The following CDYL2 variants were observed in gnomAD, a reference collection of about 807,000 sequenced individuals.
CDYL2 encodes chromodomain Y like 2.
CDYL2 carries 23 observed loss-of-function variants against 49.4 expected under a neutral mutation model. That is an observed-to-expected ratio of 0.47 (90% CI 0.34 to 0.66). CDYL2 has a LOEUF of 0.66. CDYL2 is among the 30% of genes least tolerant of loss of function. The pLI is 0.01. For missense variants in CDYL2, 678 were observed against 656.4 expected, an observed-to-expected ratio of 1.03 and a Z score of -0.36; for synonymous variants, 360 against 268.8, an observed-to-expected ratio of 1.34 and a Z score of -3.32.
Position 80,641,545 on chromosome 16 carries a change from C to T in CDYL2, c.617-8309G>A, listed in dbSNP as rs374884332. Among the ~76,000 whole-genome samples the T allele has an allele frequency of 3.3e-4, 50 of 152,192 alleles. 1 individual carries two copies. The highest frequency in any genetic ancestry group is 3.4e-3 in the Middle Eastern group (1 of 294). ...ATGTTAAGAAAATGTGGCACATATA[C>T]ACCGTGGAATACTAAGCAGCCATAA... is the stretch of plus-strand genomic sequence containing the variant. On this transcript the variant is annotated intron_variant, in intron 2 of 6. Transcript: ENST00000570137.
At chr16:80,661,314 GAGT>G (rs1909034525) in intron 2 of CDYL2, among the ~76,000 whole-genome samples, 1 of 146,480 alleles carries the variant, frequency 6.8e-6, no homozygotes, top group South Asian at 2.2e-4. Context: ...TGGGCAGCTG[GAGT>G]AGAAGTGATC....
At position 80,715,058 on chromosome 16, in the gene CDYL2, G is replaced by A. The variant is rs570723155; in HGVS notation, c.25-29929C>T. Among the ~76,000 whole-genome samples, 4 of 152,246 alleles carry A rather than the reference G, an allele frequency of 2.6e-5. No homozygotes were observed. In the South Asian group the frequency reaches 6.2e-4, roughly 24 times the overall value. The stretch of plus-strand genomic sequence containing the variant: ...AGGGTAACTAAGCTCATGCAAGTGA[G>A]CGGACATGCCTTACTCATCTGGAGG... On this transcript the variant is annotated intron_variant, in intron 1 of 6. Coordinates refer to ENST00000570137, the MANE Select transcript of CDYL2 (RefSeq NM_152342.4).
intron 1 of CDYL2, among the ~76,000 whole-genome samples, chr16:80,738,233 A>C (rs879173366): frequency 6.6e-6 from 1 of 152,142 alleles, no homozygotes; most frequent in African/African-American, 2.4e-5. Flanking sequence ...TCCATGGTGT[A>C]TATGTGCCAC....
intron 1 of CDYL2, among the ~76,000 whole-genome samples, chr16:80,727,945 C>G (rs1034450281): frequency 6.6e-6 from 1 of 152,224 alleles, no homozygotes; most frequent in Non-Finnish European, 1.5e-5. Context: ...AAAAACCCAT[C>G]TGTACATCAC....
At chr16:80,610,150 C>T (rs998007172) in intron 5 of CDYL2, among the ~76,000 whole-genome samples, 2 of 152,140 alleles carry the variant, frequency 1.3e-5, no homozygotes, top group African/African-American at 4.8e-5. Flanking sequence ...AGGGACAATG[C>T]TTATCAGCCT....
At chr16:80,753,245 G>A (rs1906196529) in intron 1 of CDYL2, among the ~76,000 whole-genome samples, 1 of 150,626 alleles carries the variant, frequency 6.6e-6, no homozygotes, top group African/African-American at 2.5e-5. Flanking sequence ...TCCGAGAAAT[G>A]GTAAATTCCC....
At chr16:80,719,247 A>G (rs1904916723) in intron 1 of CDYL2, among the ~76,000 whole-genome samples, 1 of 152,112 alleles carries the variant, frequency 6.6e-6, no homozygotes, top group Admixed American at 6.5e-5. Context: ...AGGTACCTGT[A>G]AAACTGAAGA....
intron 1 of CDYL2, 102 bp downstream of exon 1, chr16:80,804,048 G>A (rs1034367949): frequency 8.1e-6 from 7 of 858,900 alleles, no homozygotes; most frequent in Admixed American, 1.3e-4. Flanking sequence ...GGCAACTCCG[G>A]ATTGCGCCCG....
At chr16:80,623,517 C>T (rs1363478071) in intron 3 of CDYL2, among the ~76,000 whole-genome samples, 1 of 152,188 alleles carries the variant, frequency 6.6e-6, no homozygotes, top group Non-Finnish European at 1.5e-5. Context: ...AGCAGCTTCA[C>T]ATTCCTAGGA....
intron 2 of CDYL2, among the ~76,000 whole-genome samples, chr16:80,682,890 C>T (rs1307536288): frequency 6.6e-6 from 1 of 152,194 alleles, no homozygotes; most frequent in Non-Finnish European, 1.5e-5. Flanking sequence ...GTCACGTCAG[C>T]GTCAGGGATC....
At chr16:80,736,799 T>G (rs549241566) in intron 1 of CDYL2, among the ~76,000 whole-genome samples, 1 of 152,296 alleles carries the variant, frequency 6.6e-6, no homozygotes, top group East Asian at 1.9e-4. Flanking sequence ...TACAGCCCAA[T>G]TAGGGCTTCC....
At chr16:80,624,497 G>T (rs1241926264) in intron 3 of CDYL2, among the ~76,000 whole-genome samples, 1 of 152,100 alleles carries the variant, frequency 6.6e-6, no homozygotes, top group East Asian at 1.9e-4. Flanking sequence ...GAATGTAAAA[G>T]TACTCTGGGG....
Position 80,684,999 on chromosome 16 carries a change from A to C in CDYL2, c.155T>G (p.Ile52Ser). Residue 52 changes from isoleucine to serine, a missense_variant, in exon 2 of 7, where the codon ATT (isoleucine) becomes AGT (serine). Physicochemically the swap from Ile to Ser is moderately radical, Grantham distance 142. Transcript: ENST00000570137. ...EHHLLHCEEF[I>S]DEFNGLHMSK... ...CATGTGCAACCCATTGAATTCATCAATAAACTCCTCACAGTGCAAGAGGTG... is the reference window on the plus strand; with the variant it reads ...CATGTGCAACCCATTGAATTCATCACTAAACTCCTCACAGTGCAAGAGGTG... 1 of 1,614,130 alleles carries C rather than the reference A, an allele frequency of 6.2e-7. No individual in the cohort carries two copies. The highest frequency in any genetic ancestry group is 8.5e-7 in the Non-Finnish European group (1 of 1,180,038).
At chr16:80,727,291 C>G (rs1433640618) in intron 1 of CDYL2, among the ~76,000 whole-genome samples, 1 of 152,212 alleles carries the variant, frequency 6.6e-6, no homozygotes, top group Non-Finnish European at 1.5e-5. Context: ...TCGGCAAGCG[C>G]AAGGGGTCAG....
At position 80,602,001 on chromosome 16, in the gene CDYL2, G is replaced by A. The variant is rs145618783; in HGVS notation, c.*2387C>T. On this transcript the variant is annotated 3_prime_UTR_variant, in exon 7 of 7. Transcript: ENST00000570137. ...GGAATTTCTAAACATCCCCTTCCAT[G>A]TCCAAGGAGAATCCTGACCCCACTT... 1 of 152,312 alleles carries A rather than the reference G, an allele frequency of 6.6e-6. No individual in the cohort carries two copies. The highest frequency in any genetic ancestry group is 1.5e-5 in the Non-Finnish European group (1 of 68,028). The allele number at this position is 152,312 out of a possible 1,614,324, so 9.4% of individuals were successfully genotyped here. A position where few individuals can be genotyped will look rare whatever the true frequency, so the allele number is the denominator to read the frequency against.
intron 1 of CDYL2, among the ~76,000 whole-genome samples, chr16:80,785,244 C>T (rs1907397139): frequency 6.6e-6 from 1 of 152,146 alleles, no homozygotes; most frequent in Admixed American, 6.6e-5. Context: ...TCTCCTTAAG[C>T]TGATAAGCAA....
chr16:80,776,881 G>A (rs1490572415), intron 1 of CDYL2, among the ~76,000 whole-genome samples: 1 of 151,448 alleles, frequency 6.6e-6, no homozygotes, highest in African/African-American at 2.4e-5. Context: ...GCAATGGCAC[G>A]ATCTCGACTC....
intron 1 of CDYL2, among the ~76,000 whole-genome samples, chr16:80,733,162 G>C (rs1905391949): frequency 6.6e-6 from 1 of 152,166 alleles, no homozygotes. Context: ...AGTTCCCTGG[G>C]AGAAGTATAG....
chr16:80,683,085 C>T (rs1256249948), intron 2 of CDYL2, among the ~76,000 whole-genome samples: 2 of 152,176 alleles, frequency 1.3e-5, no homozygotes, highest in Admixed American at 6.5e-5. Flanking sequence ...CCAAATCTAC[C>T]ATCGTCACAC....
Sources: gnomAD v4.1 joint callset for allele counts (sites outside exome capture counted in the v4.1 genomes callset) on GRCh38, gnomAD v4.1.1 for gene constraint, MANE v1.5 for transcripts, NCBI Gene and HGNC (gene_info 2026-07-23, HGNC 2026-07-21) for gene names.